The following PRUNE2 variants were observed in gnomAD, a reference collection of about 807,000 sequenced individuals.
PRUNE2 encodes prune homolog 2 with BCH domain, also known as protein prune homolog 2.
Under a neutral mutation model 252.0 loss-of-function variants are expected in PRUNE2, and 164 were observed. The observed-to-expected ratio is 0.65, with a 90% CI of 0.57 to 0.74. PRUNE2 has a LOEUF of 0.74. Among genes scored for constraint, PRUNE2 ranks in the 30% least tolerant of loss-of-function variants. PRUNE2 has a pLI of 0.00. For synonymous variants in PRUNE2, 1,292 were observed against 1,350.2 expected, an observed-to-expected ratio of 0.96 and a Z score of 0.94; for missense variants, 3,495 against 3,711.0, an observed-to-expected ratio of 0.94 and a Z score of 1.51.
chr9:76,658,355 T>G (rs887210529), intron 9 of PRUNE2, among the ~76,000 whole-genome samples: 22 of 152,132 alleles, frequency 1.4e-4, no homozygotes, highest in African/African-American at 5.3e-4. Context: ...CAAAACTCCG[T>G]CCCACTCCCC....
At chr9:76,872,628 CA>C (rs1273887683) in intron 1 of PRUNE2, among the ~76,000 whole-genome samples, 23 of 151,836 alleles carry the variant, frequency 1.5e-4, no homozygotes, top group African/African-American at 5.3e-4. Flanking sequence ...CACACACACA[CA>C]CACACACACA....
intron 6 of PRUNE2, among the ~76,000 whole-genome samples, chr9:76,771,956 T>C (rs2053160460): frequency 6.6e-6 from 1 of 152,196 alleles, no homozygotes. Flanking sequence ...TGGGACTCAG[T>C]GGGTTCATGA....
At chr9:76,839,178 T>C (rs1349948779) in intron 4 of PRUNE2, among the ~76,000 whole-genome samples, 8 of 152,254 alleles carry the variant, frequency 5.3e-5, no homozygotes, top group Middle Eastern at 6.8e-3. Context: ...ACTGAATCAA[T>C]ACAGTCATAA....
Position 76,708,872 on chromosome 9 carries a change from A to G in PRUNE2, c.3402T>C (p.Asn1134=), listed in dbSNP as rs879742072. The change falls in exon 8 of 19, where the codon AAT becomes AAC. Residue 1134 remains asparagine (N), a synonymous_variant. Coordinates refer to ENST00000376718, the MANE Select transcript of PRUNE2 (RefSeq NM_015225.3). ...QSTATISDMD[N]DLDWDDCSGG... is the part of the protein sequence containing the mutation. ...CACTGCAGTCATCCCAGTCCAAATC[A>G]TTGTCCATATCTGAGATCGTTGCAG... 5.0e-6 allele frequency: 8 copies of G among 1,613,758 alleles called. No homozygotes were observed. The highest frequency in any genetic ancestry group is 1.3e-5 in the African/African-American group (1 of 74,862).
chr9:76,892,535 T>C (rs778226273), intron 1 of PRUNE2, among the ~76,000 whole-genome samples: 16 of 152,228 alleles, frequency 1.1e-4, no homozygotes, highest in Non-Finnish European at 1.6e-4. Flanking sequence ...ATGAAAAGGT[T>C]TAACCTCAGT....
intron 18 of PRUNE2, among the ~76,000 whole-genome samples, chr9:76,618,003 C>G (rs1830487015): frequency 6.6e-6 from 1 of 152,128 alleles, no homozygotes; most frequent in Non-Finnish European, 1.5e-5. Context: ...ATTTCATGTG[C>G]CAATTTCCTT....
At chr9:76,853,080 GA>G (rs2060057524) in intron 2 of PRUNE2, among the ~76,000 whole-genome samples, 1 of 152,174 alleles carries the variant, frequency 6.6e-6, no homozygotes, top group African/African-American at 2.4e-5. Flanking sequence ...TGTCTTAACA[GA>G]GGCACATTTA....
At chr9:76,852,806 G>GTCTATCTATCTATCTA (rs71354689) in intron 2 of PRUNE2, among the ~76,000 whole-genome samples, 7 of 76,478 alleles carry the variant, frequency 9.2e-5, no homozygotes, top group Admixed American at 2.4e-4. Context: ...CTGTCTGTCT[G>GTCTATCTATCTATCTA]TCTATCTATC....
At chr9:76,842,639 A>G (rs1210931785) in intron 4 of PRUNE2, among the ~76,000 whole-genome samples, 1 of 152,212 alleles carries the variant, frequency 6.6e-6, no homozygotes, top group African/African-American at 2.4e-5. Flanking sequence ...ATTTACAAGA[A>G]TAAAACAAAC....
rs1016609599 is a variant in PRUNE2, at chr9:76,706,592, G to A, written c.5682C>T (p.Pro1894=). ...AGTTCTTCCCATTACCTTCCAGAAA[G>A]GGTGACTGATGGTTGTCACTAAAAG... ...TNPFSDNHQS[P]FLEGNGKNSH... The change falls in exon 8 of 19, where the codon CCC becomes CCT. Residue 1894 remains proline (P), a synonymous_variant. Coordinates refer to ENST00000376718, the MANE Select transcript of PRUNE2 (RefSeq NM_015225.3). 6.2e-7 allele frequency: 1 copy of A among 1,613,804 alleles called. No individual in the cohort carries two copies. Among genetic ancestry groups the A allele is most frequent in the Non-Finnish European group, 8.5e-7 (1 of 1,179,878 alleles).
chr9:76,713,538 T>A (rs2046902815), intron 7 of PRUNE2, 25 bp downstream of exon 7: 2 of 1,593,038 alleles, frequency 1.3e-6, no homozygotes, highest in Non-Finnish European at 1.7e-6. Flanking sequence ...AGAGGGAACA[T>A]GACGGGGTCA....
Position 76,709,355 on chromosome 9 carries a change from G to GT in PRUNE2, c.2918dup (p.Tyr973Ter). 1.2e-6 allele frequency: 2 copies of GT among 1,613,978 alleles called. No individual in the cohort carries two copies. The highest frequency in any genetic ancestry group is 1.7e-6 in the Non-Finnish European group (2 of 1,179,868). ...LDTNYSTSDS[Y>*]TSPTFAGDEK... ...CGTCTCCAGCAAATGTTGGTGATGT[G>GT]TAAGAGTCTGAGGTGGAATAATTGG... The change falls in exon 8 of 19, where the codon TAC becomes TAAC. Residue 973 changes from tyrosine to a stop codon, truncating the protein, a stop_gained and frameshift_variant. Coordinates refer to ENST00000376718, the MANE Select transcript of PRUNE2 (RefSeq NM_015225.3). LOFTEE classifies it high-confidence loss of function.
chr9:76,657,501 A>G (rs1024777628), intron 9 of PRUNE2, among the ~76,000 whole-genome samples: 1 of 152,236 alleles, frequency 6.6e-6, no homozygotes, highest in Non-Finnish European at 1.5e-5. Flanking sequence ...ATCATGGAAT[A>G]ATTGCAGGAG....
intron 1 of PRUNE2, among the ~76,000 whole-genome samples, chr9:76,891,664 G>A (rs927439159): frequency 3.9e-5 from 6 of 152,248 alleles, no homozygotes; most frequent in African/African-American, 7.2e-5. Context: ...ATTTTCACTC[G>A]GACATTTTCT....
chr9:76,815,302 A>C (rs917201461), intron 6 of PRUNE2, among the ~76,000 whole-genome samples: 12 of 152,332 alleles, frequency 7.9e-5, no homozygotes, highest in African/African-American at 2.9e-4. Flanking sequence ...GAGTCCATAC[A>C]GGCTGCAATA....
Position 76,708,383 on chromosome 9 carries a change from T to A in PRUNE2, c.3891A>T (p.Ala1297=). 2.5e-6 allele frequency: 4 copies of A among 1,613,898 alleles called. No individual in the cohort carries two copies. Among genetic ancestry groups the A allele is most frequent in the Non-Finnish European group, 2.5e-6 (3 of 1,179,890 alleles). The change falls in exon 8 of 19, where the codon GCA becomes GCT. Residue 1297 remains alanine, a synonymous_variant. Coordinates refer to ENST00000376718, the MANE Select transcript of PRUNE2 (RefSeq NM_015225.3). ...TCTCAAGCCTAGTCGCCAAGGATGCTGCATCACTTTGCAGGGTTTCCCTCT... is the reference window on the plus strand; with the variant it reads ...TCTCAAGCCTAGTCGCCAAGGATGCAGCATCACTTTGCAGGGTTTCCCTCT... ...DTERETLQSD[A]ASLATRLENP...
intron 9 of PRUNE2, among the ~76,000 whole-genome samples, chr9:76,688,979 A>T (rs2044418456): frequency 6.6e-6 from 1 of 152,172 alleles, no homozygotes; most frequent in African/African-American, 2.4e-5. Context: ...TCATCCATGA[A>T]TCCTGTGGTA....
intron 6 of PRUNE2, among the ~76,000 whole-genome samples, chr9:76,796,696 A>T (rs1321369838): frequency 6.6e-6 from 1 of 152,190 alleles, no homozygotes; most frequent in Non-Finnish European, 1.5e-5. Flanking sequence ...CAAACATTAC[A>T]TTCTAGGTAT....
chr9:76,854,101 C>G lies in PRUNE2; in HGVS notation c.141+3G>C, dbSNP rs1239017887. ...TAAGGAGTATTACCCTTTTTTCCCT[C>G]ACCTTGTCTAGAAAGTAAGCATATG... On this transcript the variant is annotated splice_donor_region_variant and intron_variant, in intron 2 of 18. Coordinates refer to ENST00000376718, the MANE Select transcript of PRUNE2 (RefSeq NM_015225.3). The G allele has an allele frequency of 6.6e-7, 1 of 1,506,096 alleles. No homozygotes were observed. Among genetic ancestry groups the G allele is most frequent in the Admixed American group, 1.8e-5 (1 of 56,248 alleles). The allele number at this position is 1,506,096 out of a possible 1,614,324, so 93.3% of individuals were successfully genotyped here.
Sources: gnomAD v4.1 joint callset for allele counts (sites outside exome capture counted in the v4.1 genomes callset) on GRCh38, gnomAD v4.1.1 for gene constraint, MANE v1.5 for transcripts, NCBI Gene and HGNC (gene_info 2026-07-23, HGNC 2026-07-21) for gene names.